Variants in CFAP36 observed in about 807,000 individuals in gnomAD.
The protein encoded by CFAP36 is cilia- and flagella-associated protein 36.
CFAP36 carries 37 observed loss-of-function variants against 50.5 expected under a neutral mutation model. The observed-to-expected ratio is 0.73, with a 90% confidence interval of 0.56 to 0.96. The LOEUF (loss-of-function observed/expected upper bound fraction) is 0.96. Ranked by LOEUF, CFAP36 falls within the 50% of genes least tolerant of loss-of-function variation. The probability of loss-of-function intolerance (pLI) is 0.00; values close to 1 mark genes in which losing one functional copy is unlikely to be tolerated. For missense variants in CFAP36, 407 were observed against 396.2 expected (o/e 1.03, Z -0.23); for synonymous variants, 138 against 128.2 (o/e 1.08, Z -0.52).
At chr2:55,543,570 A>G (rs982574483) in intron 7 of CFAP36, among the ~76,000 whole-genome samples, 2 of 152,250 alleles carry the variant, frequency 1.3e-5, no homozygotes, top group African/African-American at 2.4e-5. Flanking sequence ...GAAACCAATT[A>G]CATTGTAGTA....
Position 55,528,906 on chromosome 2 carries a change from A to C in CFAP36, c.311A>C (p.Glu104Ala), listed in dbSNP as rs191927946. The change falls in exon 4 of 10, where the codon GAA becomes GCA. Residue 104 changes from glutamate to alanine, a missense_variant. By Grantham distance (107) the Glu-to-Ala change is moderately radical. Coordinates refer to ENST00000349456, the MANE Select transcript of CFAP36 (RefSeq NM_080667.7). ...QAILQPVLAA[E>A]DFTIFKAMMV... Reference sequence around the variant, plus strand: ...ATTTTGCAACCTGTGTTGGCAGCAGAAGATTTTACTATCTTTAAAGCAATG... The same window carrying C: ...ATTTTGCAACCTGTGTTGGCAGCAGCAGATTTTACTATCTTTAAAGCAATG... The C allele has an allele frequency of 1.3e-4, 208 of 1,609,032 alleles. No homozygotes were observed. The highest frequency in any genetic ancestry group is 1.6e-4 in the Non-Finnish European group (185 of 1,177,902).
intron 4 of CFAP36, among the ~76,000 whole-genome samples, chr2:55,530,090 C>G (rs372931317): frequency 6.6e-6 from 1 of 152,102 alleles, no homozygotes; most frequent in Non-Finnish European, 1.5e-5. Flanking sequence ...TGAATTCCCA[C>G]GTGTTGTGGG....
At chr2:55,543,248 AC>A (rs1170675773) in intron 7 of CFAP36, among the ~76,000 whole-genome samples, 1 of 152,168 alleles carries the variant, frequency 6.6e-6, no homozygotes, top group Non-Finnish European at 1.5e-5. Context: ...CTTTTTAAAA[AC>A]AATCACCTTA....
At chr2:55,521,226 CAG>C (rs1319561810) in intron 1 of CFAP36, among the ~76,000 whole-genome samples, 2 of 133,906 alleles carry the variant, frequency 1.5e-5, no homozygotes, top group African/African-American at 5.7e-5. Flanking sequence ...TTTTGGGAGA[CAG>C]AGTGTCGCTC....
chr2:55,544,796 C>T (rs1684728623), intron 9 of CFAP36, 111 bp from the exon 10 acceptor site: 1 of 656,174 alleles, frequency 1.5e-6, no homozygotes, highest in South Asian at 2.0e-5. Flanking sequence ...GTCTCTCCCT[C>T]CGTCCCACAA....
At position 55,523,778 on chromosome 2, in the gene CFAP36, C is replaced by G; in HGVS notation, c.238C>G (p.Gln80Glu). 6.2e-7 allele frequency: 1 copy of G among 1,610,098 alleles called. No homozygotes were observed. The highest frequency in any genetic ancestry group is 8.5e-7 in the Non-Finnish European group (1 of 1,177,530). Residue 80 changes from glutamine to glutamate, a missense_variant, in exon 3 of 10, where the codon CAA (glutamine) becomes GAA (glutamate). Coordinates refer to ENST00000349456, the MANE Select transcript of CFAP36 (RefSeq NM_080667.7). Reference sequence around the variant, plus strand: ...AATTGGAATTAATGAAGATCAATTTCAAGAAGCATGCACTTCTCCTCTTGC... The same window carrying G: ...AATTGGAATTAATGAAGATCAATTTGAAGAAGCATGCACTTCTCCTCTTGC... Reference protein sequence around the residue: ...KEIGINEDQFQEACTSPLAKT... With the variant: ...KEIGINEDQFEEACTSPLAKT...
At chr2:55,532,357 C>A (rs180821519) in intron 4 of CFAP36, among the ~76,000 whole-genome samples, 1 of 152,020 alleles carries the variant, frequency 6.6e-6, no homozygotes, top group Non-Finnish European at 1.5e-5. Flanking sequence ...TCTCTGGATT[C>A]TTTTTTATCT....
chr2:55,532,270 CTTAGA>C (rs1261143811), intron 4 of CFAP36, among the ~76,000 whole-genome samples: 4 of 151,442 alleles, frequency 2.6e-5, no homozygotes, highest in Non-Finnish European at 5.9e-5. Flanking sequence ...GGGTGAATAC[CTTAGA>C]TTAATGTTGA....
At chr2:55,528,702 C>G (rs925000141) in intron 3 of CFAP36, among the ~76,000 whole-genome samples, 176 bp from the exon 4 acceptor site, 13 of 151,960 alleles carry the variant, frequency 8.6e-5, no homozygotes, top group African/African-American at 2.9e-4. Flanking sequence ...GGCTGAGAAC[C>G]CTGTTTTAAA....
In CFAP36 at chr2:55,537,500, A is replaced by G; in HGVS notation, c.555A>G (p.Thr185=). The change falls in exon 7 of 10, where the codon ACA becomes ACG. Residue 185 remains threonine, a synonymous_variant. Coordinates refer to ENST00000349456, the MANE Select transcript of CFAP36 (RefSeq NM_080667.7). ...TCCTGAAGTTATCAGAGGCTAAAAC[A>G]GAAGAGCCCACAGTGCATTCCAGTG... ...KRKKQLSEAK[T]EEPTVHSSEA... 1.2e-6 allele frequency: 2 copies of G among 1,609,368 alleles called. No individual in the cohort carries two copies. Among genetic ancestry groups the G allele is most frequent in the Non-Finnish European group, 1.7e-6 (2 of 1,178,496 alleles).
chr2:55,521,593 A>ATGTGTG (rs72277001), intron 1 of CFAP36, among the ~76,000 whole-genome samples: 7,860 of 147,424 alleles, frequency 0.053, 369 homozygotes, highest in African/African-American at 0.12. Flanking sequence ...TTAATAGTAT[A>ATGTGTG]TATGTGTGTG....
chr2:55,531,976 C>T (rs1321025110), intron 4 of CFAP36, among the ~76,000 whole-genome samples: 1 of 152,176 alleles, frequency 6.6e-6, no homozygotes, highest in Non-Finnish European at 1.5e-5. Context: ...ATTTTACTTA[C>T]ATTTAAACAT....
rs762612056 is a variant in CFAP36, at chr2:55,529,647, C to CTTT, written c.397+670_397+672dup. On this transcript the variant is annotated intron_variant, in intron 4 of 9. Coordinates refer to ENST00000349456, the MANE Select transcript of CFAP36 (RefSeq NM_080667.7). The stretch of plus-strand genomic sequence containing the variant: ...AGGACCTTTGTAGGAAGCAGTGGTT[C>CTTT]TTTTTTTTTTTTTTTTTGAGACGGA... Among the ~76,000 whole-genome samples the CTTT allele has an allele frequency of 1.2e-4, 15 of 126,522 alleles. 1 individual carries two copies. Among genetic ancestry groups the CTTT allele is most frequent in the South Asian group, 2.5e-4 (1 of 3,940 alleles). 83.0% of individuals were successfully genotyped at this position (126,522 alleles called of 152,430 possible). A position where few individuals can be genotyped will look rare whatever the true frequency, so the allele number is the denominator to read the frequency against.
At position 55,544,324 on chromosome 2, in the gene CFAP36, G is replaced by A. The variant is rs1381692434; in HGVS notation, c.882G>A (p.Gln294=). ...MSMRKDMRTK[Q]IQNMEQKGKP... ...TGAGAAAGGATATGAGGACTAAACA[G>A]ATACAAAATATGGAGCAGAAAGGAA... The change falls in exon 9 of 10, where the codon CAG becomes CAA. Residue 294 remains glutamine (Q), a synonymous_variant. Transcript: ENST00000349456. The A allele has an allele frequency of 6.2e-7, 1 of 1,613,562 alleles. No homozygotes were observed. Among genetic ancestry groups the A allele is most frequent in the African/African-American group, 1.3e-5 (1 of 74,904 alleles).
intron 7 of CFAP36, chr2:55,539,067 C>A: frequency 6.6e-6 from 3 of 453,310 alleles, no homozygotes; most frequent in Non-Finnish European, 6.7e-6. Flanking sequence ...ATTATCGACC[C>A]CCTCAAAAGT....
intron 3 of CFAP36, among the ~76,000 whole-genome samples, chr2:55,525,652 TAG>T (rs1684188719): frequency 6.6e-6 from 1 of 151,598 alleles, no homozygotes; most frequent in African/African-American, 2.4e-5. Flanking sequence ...TCTTTTGAGA[TAG>T]AGTTTCGCTC....
At position 55,533,910 on chromosome 2, in the gene CFAP36, G is replaced by A; in HGVS notation, c.435G>A (p.Val145=). The A allele has an allele frequency of 6.2e-7, 1 of 1,611,636 alleles. No homozygotes were observed. The highest frequency in any genetic ancestry group is 8.5e-7 in the Non-Finnish European group (1 of 1,178,666). ...LPDCLTDGSD[V]VSDLEHEEMK... is the part of the protein sequence containing the mutation. ...ACTGCTTAACCGATGGCTCTGATGT[G>A]GTCAGTGACCTTGAACACGAAGAGA... The change falls in exon 5 of 10, where the codon GTG becomes GTA. Residue 145 remains valine, a synonymous_variant. Coordinates refer to ENST00000349456, the MANE Select transcript of CFAP36 (RefSeq NM_080667.7).
chr2:55,525,349 C>T (rs1240938896), intron 3 of CFAP36, among the ~76,000 whole-genome samples: 1 of 151,962 alleles, frequency 6.6e-6, no homozygotes, highest in African/African-American at 2.4e-5. Flanking sequence ...AGTACCTACT[C>T]AGGATGCTGA....
intron 4 of CFAP36, among the ~76,000 whole-genome samples, chr2:55,533,513 G>A (rs1341223821): frequency 6.6e-6 from 1 of 151,842 alleles, no homozygotes; most frequent in Non-Finnish European, 1.5e-5. Flanking sequence ...AGACCAGCCT[G>A]CCGACATGGT....
Sources: gnomAD v4.1 joint callset for allele counts (sites outside exome capture counted in the v4.1 genomes callset) on GRCh38, gnomAD v4.1.1 for gene constraint, MANE v1.5 for transcripts, NCBI Gene and HGNC (gene_info 2026-07-23, HGNC 2026-07-21) for gene names.